ATP13A3: variants seen among roughly 807,000 people sequenced by gnomAD.
ATP13A3 encodes the protein ATPase 13A3, also known as polyamine-transporting ATPase 13A3.
Under a neutral mutation model 158.1 loss-of-function variants are expected in ATP13A3, and 59 were observed. The observed-to-expected ratio is 0.37, with a 90% confidence interval of 0.30 to 0.46. The LOEUF (loss-of-function observed/expected upper bound fraction) is 0.46. ATP13A3 is among the 20% of genes least tolerant of loss of function. The pLI, the probability that ATP13A3 is intolerant of heterozygous loss-of-function variation, is 1.00. For missense variants in ATP13A3, 1,166 were observed against 1,525.2 expected (o/e 0.76, Z 3.92); for synonymous variants, 491 against 504.3 (o/e 0.97, Z 0.35).
At chr3:194,476,297 G>A (rs975000514) in intron 2 of ATP13A3, among the ~76,000 whole-genome samples, 1 of 152,054 alleles carries the variant, frequency 6.6e-6, no homozygotes, top group African/African-American at 2.4e-5. Context: ...GGACCATCGC[G>A]ATGGCAACTA....
chr3:194,476,774 T>TG (rs1341369965), intron 2 of ATP13A3, among the ~76,000 whole-genome samples: 26 of 146,488 alleles, frequency 1.8e-4, no homozygotes, highest in African/African-American at 7.2e-4. Flanking sequence ...TTGTTTTTTT[T>TG]TTTTTTCAAA....
chr3:194,460,098 T>C lies in ATP13A3; in HGVS notation c.226-127A>G. 5.5e-6 allele frequency: 4 copies of C among 724,344 alleles called. No individual in the cohort carries two copies. In the South Asian group the frequency reaches 9.4e-5, roughly 17 times the overall value. The allele number at this position is 724,344 out of a possible 1,614,324, so 44.9% of individuals were successfully genotyped here. A position where few individuals can be genotyped will look rare whatever the true frequency, so the allele number is the denominator to read the frequency against. On this transcript the variant is annotated intron_variant, in intron 4 of 33. Transcript: ENST00000645319. ...CTAATTGAGGAAACATCACGCCTACTCACTAAATATTAAACCATTTCATGA... is the reference window on the plus strand; with the variant it reads ...CTAATTGAGGAAACATCACGCCTACCCACTAAATATTAAACCATTTCATGA...
At chr3:194,444,155 T>C (rs1718235733) in intron 15 of ATP13A3, among the ~76,000 whole-genome samples, 2 of 152,336 alleles carry the variant, frequency 1.3e-5, no homozygotes, top group East Asian at 3.9e-4. Context: ...CGGCCCAGCC[T>C]TTCCATTTAC....
chr3:194,468,100 T>C (rs1720102700), intron 2 of ATP13A3: 1 of 152,198 alleles, frequency 6.6e-6, no homozygotes, highest in East Asian at 1.9e-4. Flanking sequence ...ATATTTCTGT[T>C]TCGGTTCTGT....
intron 7 of ATP13A3, among the ~76,000 whole-genome samples, chr3:194,456,558 T>C (rs1237734619): frequency 6.6e-6 from 1 of 152,116 alleles, no homozygotes; most frequent in Non-Finnish European, 1.5e-5. Context: ...GAAAATTTCT[T>C]ATTGAATTTC....
intron 10 of ATP13A3, 155 bp from the exon 11 acceptor site, chr3:194,450,431 ATTAT>A: frequency 1.4e-6 from 1 of 711,122 alleles, no homozygotes; most frequent in Non-Finnish European, 2.3e-6. Flanking sequence ...AACAAATAAG[ATTAT>A]TAGGCTAACA....
Position 194,466,520 on chromosome 3 carries a change from A to T in ATP13A3, c.-46-4284T>A, listed in dbSNP as rs183965854. On this transcript the variant is annotated intron_variant, in intron 2 of 33. Transcript: ENST00000645319. ...GGTTTAAAGTTACTTCAAAATTAAA[A>T]TTTTTTAAATTAAAAAACCCATCTT... 2.6e-5 allele frequency among the ~76,000 whole-genome samples: 4 copies of T among 152,312 alleles called. No homozygotes were observed. The East Asian group carries it at 7.7e-4, about 29-fold the overall frequency.
chr3:194,419,382 G>A (rs779319554), intron 31 of ATP13A3, among the ~76,000 whole-genome samples: 1 of 151,968 alleles, frequency 6.6e-6, no homozygotes, highest in Non-Finnish European at 1.5e-5. Context: ...CTCAGGTAAT[G>A]TTCATTTTTT....
chr3:194,468,528 T>A (rs1720137451), intron 2 of ATP13A3, among the ~76,000 whole-genome samples: 1 of 152,232 alleles, frequency 6.6e-6, no homozygotes, highest in South Asian at 2.1e-4. Context: ...AGTATACTAT[T>A]TATCCTATAC....
At chr3:194,465,485 T>C (rs1719934786) in intron 2 of ATP13A3, among the ~76,000 whole-genome samples, 1 of 152,060 alleles carries the variant, frequency 6.6e-6, no homozygotes, top group African/African-American at 2.4e-5. Context: ...CCACCAGGGC[T>C]CACAAAAGGC....
chr3:194,435,225 T>C (rs900467851), intron 20 of ATP13A3, among the ~76,000 whole-genome samples: 2 of 152,170 alleles, frequency 1.3e-5, no homozygotes, highest in Non-Finnish European at 2.9e-5. Context: ...GAAAAAGCCT[T>C]GAAACCTGAA....
chr3:194,456,064 T>C, intron 7 of ATP13A3, 102 bp from the exon 8 acceptor site: 2 of 634,220 alleles, frequency 3.2e-6, no homozygotes, highest in East Asian at 3.3e-5. Flanking sequence ...ACTGTTCTTA[T>C]TCATGTCTCC....
At chr3:194,449,689 C>CAA (rs1475584881) in intron 11 of ATP13A3, among the ~76,000 whole-genome samples, 4 of 131,650 alleles carry the variant, frequency 3.0e-5, no homozygotes, top group African/African-American at 8.7e-5. Context: ...AACAAACAAA[C>CAA]AAAAAAAAAA....
chr3:194,415,672 T>G (rs1560070799), intron 31 of ATP13A3, among the ~76,000 whole-genome samples: 1 of 142,196 alleles, frequency 7.0e-6, no homozygotes, highest in Non-Finnish European at 1.5e-5. Context: ...TTTTTTTTTT[T>G]TTTTTTTTTT....
chr3:194,447,944 G>A lies in ATP13A3; in HGVS notation c.1216C>T (p.Leu406Phe). 6.2e-7 allele frequency: 1 copy of A among 1,610,932 alleles called. No homozygotes were observed. The highest frequency in any genetic ancestry group is 1.1e-5 in the South Asian group (1 of 90,996). Residue 406 changes from leucine (L) to phenylalanine (F), a missense_variant, in exon 13 of 34, where the codon CTC becomes TTC. Physicochemically the swap from Leu to Phe is conservative, Grantham distance 22. Around this residue, in one of 3 missense-constraint regions of ATP13A3, gnomAD observed 997 missense variants for 1,341.2 expected, o/e 0.74. Transcript: ENST00000645319. ...ILYPKPTDFKLYRDAYLFLLC... is the reference protein window; with the variant it reads ...ILYPKPTDFKFYRDAYLFLLC... ...AGAAACAAGTAGGCATCTCTGTAGA[G>A]TTTAAAATCAGTTGGTTTGGGATAC...
intron 2 of ATP13A3, among the ~76,000 whole-genome samples, chr3:194,471,011 G>A (rs964817392): frequency 1.3e-5 from 2 of 152,194 alleles, no homozygotes; most frequent in African/African-American, 4.8e-5. Context: ...GTGAGGAAGA[G>A]ACACTAGTGC....
intron 28 of ATP13A3, among the ~76,000 whole-genome samples, chr3:194,427,809 C>T (rs80214894): frequency 0.093 from 14,152 of 152,052 alleles, 1,847 homozygotes; most frequent in African/African-American, 0.29. Context: ...AAATAATACA[C>T]ACTTCTTCCT....
At chr3:194,447,744 G>A in intron 13 of ATP13A3, 108 bp downstream of exon 13, 1 of 971,610 alleles carries the variant, frequency 1.0e-6, no homozygotes, top group Non-Finnish European at 1.5e-6. Context: ...AATTAAATTA[G>A]CTTAAAATTT....
chr3:194,453,427 TAAA>T (rs35823728), intron 10 of ATP13A3, among the ~76,000 whole-genome samples: 1 of 145,376 alleles, frequency 6.9e-6, no homozygotes, highest in Non-Finnish European at 1.5e-5. Flanking sequence ...ACCCTGTCTC[TAAA>T]AAAAAAAAAA....
Sources: allele counts gnomAD v4.1 joint callset (sites outside exome capture counted in the v4.1 genomes callset), GRCh38; gene constraint gnomAD v4.1.1; regional missense constraint gnomAD v4.1.1; transcripts MANE v1.5; gene names NCBI Gene and HGNC (gene_info 2026-07-23, HGNC 2026-07-21).